Variants in IGSF1 observed in about 807,000 individuals in gnomAD.
IGSF1 encodes immunoglobulin superfamily member 1, also known as immunoglobulin-like domain-containing protein 1.
A neutral mutation model predicts 95.3 loss-of-function variants in IGSF1; 40 were observed. The ratio of observed to expected loss-of-function variants is 0.42; its 90% CI spans 0.33 to 0.55. IGSF1 has a LOEUF of 0.55. Ranked by LOEUF, IGSF1 falls within the 20% of genes least tolerant of loss-of-function variation. IGSF1 has a pLI of 0.10. For missense variants in IGSF1, 906 were observed against 1,025.4 expected (o/e 0.88, Z 1.59); for synonymous variants, 372 against 382.9 (o/e 0.97, Z 0.33).
intron 7 of IGSF1, 134 bp downstream of exon 7, chrX:131,282,310 C>T (rs867191663): frequency 1.1e-5 from 5 of 450,783 alleles, no homozygotes; most frequent in Admixed American, 3.9e-5. Context: ...CTTCCTAGTG[C>T]GTGTGTGTGT....
Position 131,278,901 on chromosome X carries a change from C to T in IGSF1, c.1751-150G>A. On this transcript the variant is annotated intron_variant, in intron 11 of 19. Transcript: ENST00000361420. Reference sequence around the variant, plus strand: ...CCTTCTTTCCTTCCTTCCTCAGGTGCTGGGGAAAGGGGAAGCTGGTGTCTT... The same window carrying T: ...CCTTCTTTCCTTCCTTCCTCAGGTGTTGGGGAAAGGGGAAGCTGGTGTCTT... 12 of 614,969 alleles carry T rather than the reference C, an allele frequency of 2.0e-5. No individual in the cohort carries two copies. In the South Asian group the frequency reaches 3.4e-4, roughly 17 times the overall value. 50.7% of individuals were successfully genotyped at this position (614,969 alleles called of 1,213,427 possible).
chrX:131,281,590 TC>T, intron 8 of IGSF1, 75 bp downstream of exon 8: 3 of 1,086,669 alleles, frequency 2.8e-6, no homozygotes, highest in Non-Finnish European at 3.7e-6. Context: ...TGACTCCCTT[TC>T]CCATATCTTT....
chrX:131,278,854 G>A, intron 11 of IGSF1, 103 bp from the exon 12 acceptor site: 1 of 772,379 alleles, frequency 1.3e-6, no homozygotes, highest in Non-Finnish European at 1.9e-6. Context: ...ACCTCCCCTT[G>A]CAACCCAAAT....
chrX:131,278,406 T>C (rs2080507157), intron 12 of IGSF1, 55 bp downstream of exon 12: 21 of 1,056,607 alleles, frequency 2.0e-5, no homozygotes, highest in Non-Finnish European at 2.6e-5. Context: ...AGGAGCAGTG[T>C]TGGAGTCCCA....
At position 131,282,626 on chromosome X, in the gene IGSF1, T is replaced by C. The variant is rs369062707; in HGVS notation, c.1064A>G (p.Tyr355Cys). ...GPVDGVGLAL[Y>C]KKGEDKPLQF... ...AAGTGGTTTGTCTTCTCCTTTCTTA[T>C]AGAGTGCAAGACCCACTCCATCCAC... Residue 355 changes from tyrosine (Y) to cysteine (C), a missense_variant, in exon 7 of 20, where the codon TAT becomes TGT. This residue lies in a region of IGSF1 where 442 missense variants were observed against 448.1 expected (regional missense o/e 0.99). Transcript: ENST00000361420. 1.6e-5 allele frequency: 19 copies of C among 1,208,568 alleles called. No individual in the cohort carries two copies. The highest frequency in any genetic ancestry group is 8.8e-5 in the African/African-American group (5 of 56,985).
At chrX:131,286,800 G>T in intron 1 of IGSF1, 59 bp from the exon 2 acceptor site, 2 of 531,189 alleles carry the variant, frequency 3.8e-6, no homozygotes, top group South Asian at 8.5e-5. Flanking sequence ...GTTTAGTTTA[G>T]ATGGCTAAAT....
chrX:131,282,938 C>T (rs2080582923), intron 6 of IGSF1, 42 bp downstream of exon 6: 5 of 1,098,511 alleles, frequency 4.6e-6, no homozygotes, highest in Non-Finnish European at 5.0e-6. Context: ...GATTTATATC[C>T]TTAGCCGTTA....
At chrX:131,278,397 G>A (rs2080506958) in intron 12 of IGSF1, 64 bp downstream of exon 12, 2 of 1,019,377 alleles carry the variant, frequency 2.0e-6, no homozygotes, top group Non-Finnish European at 2.7e-6. Flanking sequence ...CTCACTCCCA[G>A]GAGCAGTGTT....
Position 131,274,650 on chromosome X carries a change from G to A in IGSF1, c.3700C>T (p.Pro1234Ser). The change falls in exon 18 of 20, where the codon CCT becomes TCT. Residue 1234 changes from proline to serine, a missense_variant. Physicochemically the swap from Pro to Ser is moderately conservative, Grantham distance 74. This residue lies in a region of IGSF1 where 411 missense variants were observed against 494.9 expected (regional missense o/e 0.83). Transcript: ENST00000361420. ...TCACTAGGCTCTGACCAGATATCAG[G>A]GTAGGCCTGGAGGCGGTAGCTGCAG... Reference protein sequence around the residue: ...YSCSYRLQAYPDIWSEPSDPL... With the variant: ...YSCSYRLQAYSDIWSEPSDPL... The A allele has an allele frequency of 8.3e-7, 1 of 1,211,545 alleles. No homozygotes were observed. The highest frequency in any genetic ancestry group is 1.1e-6 in the Non-Finnish European group (1 of 895,130).
intron 11 of IGSF1, 121 bp from the exon 12 acceptor site, chrX:131,278,872 C>A: frequency 1.6e-6 from 1 of 642,967 alleles, no homozygotes. Flanking sequence ...AATCCAAACC[C>A]TTTCCTTCTT....
At chrX:131,282,067 C>T in intron 7 of IGSF1, 123 bp from the exon 8 acceptor site, 1 of 635,875 alleles carries the variant, frequency 1.6e-6, no homozygotes, top group Non-Finnish European at 2.4e-6. Flanking sequence ...TGGCCAGTGG[C>T]TTCAAGATTT....
In IGSF1 at chrX:131,278,504, C is replaced by T. The variant is rs1435353920; in HGVS notation, c.1998G>A (p.Met666Ile). 7.4e-6 allele frequency: 9 copies of T among 1,209,028 alleles called. No individual in the cohort carries two copies. The highest frequency in any genetic ancestry group is 1.0e-5 in the Non-Finnish European group (9 of 893,709). The part of the protein sequence containing the change: ...GSYHCHSWEE[M>I]AVSEPSEALE... ...GTGCCTCACTGGGCTCCGATACAGCCATCTCCTCCCATGAATGGCAGTGGT... is the reference window on the plus strand; with the variant it reads ...GTGCCTCACTGGGCTCCGATACAGCTATCTCCTCCCATGAATGGCAGTGGT... Residue 666 changes from methionine to isoleucine, a missense_variant, in exon 12 of 20, where the codon ATG (methionine) becomes ATA (isoleucine). Physicochemically the swap from Met to Ile is conservative, Grantham distance 10. Around this residue, in one of 5 missense-constraint regions of IGSF1, gnomAD observed 10 missense variants for 32.3 expected, o/e 0.31. Transcript: ENST00000361420.
chrX:131,289,177 C>T (rs1428572807), intron 1 of IGSF1, 37 bp downstream of exon 1: 2 of 374,956 alleles, frequency 5.3e-6, no homozygotes, highest in East Asian at 1.5e-4. Context: ...ATTTAATATT[C>T]AGCCACTGAA....
At chrX:131,284,686 C>T in intron 5 of IGSF1, 1 of 750,662 alleles carries the variant, frequency 1.3e-6, no homozygotes, top group South Asian at 6.9e-5. Context: ...AAAGCCATTT[C>T]TAAAATATGA....
chrX:131,274,976 TA>T (rs745330779), intron 17 of IGSF1, 22 bp downstream of exon 17: 3 of 1,207,706 alleles, frequency 2.5e-6, no homozygotes, highest in Non-Finnish European at 3.4e-6. Context: ...TCGTGACTTG[TA>T]CTGAAGTCTC....
In IGSF1 at chrX:131,281,010, G is replaced by C. The variant is rs1290864685; in HGVS notation, c.1646+208C>G. On this transcript the variant is annotated intron_variant, in intron 9 of 19. Coordinates refer to ENST00000361420, the MANE Select transcript of IGSF1 (RefSeq NM_001555.5). The stretch of plus-strand genomic sequence containing the variant: ...AGTTCTGATTACTCCTCTTGCCTCT[G>C]AGAACTATGCATTTCTCCACCCGCT... The C allele has an allele frequency of 4.5e-5, 18 of 403,341 alleles. No homozygotes were observed. In the East Asian group the frequency reaches 7.6e-4, roughly 17 times the overall value. The allele number at this position is 403,341 out of a possible 1,213,427, so 33.2% of individuals were successfully genotyped here. A position where few individuals can be genotyped will look rare whatever the true frequency, so the allele number is the denominator to read the frequency against.
At chrX:131,289,318 C>T (rs1292960074), upstream of IGSF1, 1 of 372,203 alleles carries the variant, frequency 2.7e-6, no homozygotes, top group East Asian at 7.5e-5. Context: ...GCCTCTTCGG[C>T]TCTGAGCCCC....
chrX:131,274,993 C>T lies in IGSF1; in HGVS notation c.3472+6G>A. ...GTGACTTGTACTGAAGTCTCCAGGA[C>T]CTTACCAGTCACCCAGATCTCCAGG... On this transcript the variant is annotated splice_donor_region_variant and intron_variant, in intron 17 of 19. Coordinates refer to ENST00000361420, the MANE Select transcript of IGSF1 (RefSeq NM_001555.5). 6 of 1,210,788 alleles carry T rather than the reference C, an allele frequency of 5.0e-6. No homozygotes were observed. The highest frequency in any genetic ancestry group is 6.7e-6 in the Non-Finnish European group (6 of 894,662).
chrX:131,287,117 A>G (rs1273233974), intron 1 of IGSF1, among the ~76,000 whole-genome samples: 2 of 103,564 alleles, frequency 1.9e-5, no homozygotes, highest in Admixed American at 1.1e-4. Context: ...ATGTATATAT[A>G]TGTGTGTATA....
Sources: gnomAD v4.1 joint callset for allele counts (sites outside exome capture counted in the v4.1 genomes callset) on GRCh38, gnomAD v4.1.1 for gene constraint, gnomAD v4.1.1 regional missense constraint, MANE v1.5 for transcripts, NCBI Gene and HGNC (gene_info 2026-07-23, HGNC 2026-07-21) for gene names.